DNM3: variants seen among roughly 807,000 people sequenced by gnomAD.
DNM3 encodes dynamin-3.
A neutral mutation model predicts 101.6 loss-of-function variants in DNM3; 47 were observed. The ratio of observed to expected loss-of-function variants is 0.46; its 90% CI spans 0.37 to 0.59. The LOEUF (loss-of-function observed/expected upper bound fraction) is 0.59. DNM3 is among the 20% of genes least tolerant of loss of function. The probability of loss-of-function intolerance (pLI) is 0.00; values close to 1 mark genes in which losing one functional copy is unlikely to be tolerated. For synonymous variants in DNM3, 385 were observed against 387.9 expected (o/e 0.99, Z 0.09); for missense variants, 849 against 1,085.7 (o/e 0.78, Z 3.06).
At chr1:172,217,564 A>C (rs1312630404) in intron 14 of DNM3, among the ~76,000 whole-genome samples, 1 of 152,088 alleles carries the variant, frequency 6.6e-6, no homozygotes, top group East Asian at 1.9e-4. Context: ...TCTTGTGCCC[A>C]CTGCCTCTTA....
Position 172,092,443 on chromosome 1 carries a change from G to A in DNM3, c.1494-381G>A, listed in dbSNP as rs1371800350. ...TAACTGCTTCATGGGGTTGCTGTGA[G>A]AATAAAAATGATTAATATCGATAAA... On this transcript the variant is annotated intron_variant, in intron 12 of 20. Transcript: ENST00000627582. Among the ~76,000 whole-genome samples the A allele has an allele frequency of 2.0e-5, 3 of 152,114 alleles. No individual in the cohort carries two copies. The East Asian group carries it at 5.8e-4, about 29-fold the overall frequency.
At chr1:172,032,240 T>C (rs1406391253) in intron 4 of DNM3, among the ~76,000 whole-genome samples, 162 bp from the exon 5 acceptor site, 2 of 152,164 alleles carry the variant, frequency 1.3e-5, no homozygotes, top group African/African-American at 4.8e-5. Flanking sequence ...CTCATCACAC[T>C]GAAATCACCA....
At chr1:172,142,590 A>G (rs2057642695) in intron 14 of DNM3, among the ~76,000 whole-genome samples, 1 of 152,104 alleles carries the variant, frequency 6.6e-6, no homozygotes, top group Admixed American at 6.6e-5. Context: ...TCTCCAGACT[A>G]AAAGTCATCC....
intron 16 of DNM3, among the ~76,000 whole-genome samples, chr1:172,320,141 GA>G (rs1481273893): frequency 1.1e-4 from 16 of 147,948 alleles, no homozygotes; most frequent in South Asian, 8.6e-4. Flanking sequence ...GACAAAAACC[GA>G]AACACCACAT....
At chr1:171,886,473 G>C (rs990444644) in intron 1 of DNM3, among the ~76,000 whole-genome samples, 1 of 152,096 alleles carries the variant, frequency 6.6e-6, no homozygotes, top group Admixed American at 6.6e-5. Flanking sequence ...AGGGGATACT[G>C]GTATCACTGT....
intron 17 of DNM3, among the ~76,000 whole-genome samples, chr1:172,335,110 C>A (rs2066359828): frequency 6.6e-6 from 1 of 152,026 alleles, no homozygotes; most frequent in African/African-American, 2.4e-5. Context: ...TAACTTGACT[C>A]ATGGATTGTC....
intron 14 of DNM3, among the ~76,000 whole-genome samples, chr1:172,209,215 G>A (rs975106518): frequency 2.6e-5 from 4 of 151,918 alleles, no homozygotes; most frequent in African/African-American, 9.7e-5. Flanking sequence ...CCACACAGAG[G>A]AAAAACCCTG....
chr1:172,287,324 C>T (rs568565661), intron 15 of DNM3, among the ~76,000 whole-genome samples: 2 of 152,110 alleles, frequency 1.3e-5, no homozygotes, highest in African/African-American at 4.8e-5. Context: ...TTCTTTATGA[C>T]CTTTTTCACC....
intron 20 of DNM3, among the ~76,000 whole-genome samples, chr1:172,390,906 G>T (rs1234914840): frequency 6.6e-6 from 1 of 152,200 alleles, no homozygotes; most frequent in Non-Finnish European, 1.5e-5. Context: ...TGCATGTTCT[G>T]CCTGCTTGCT....
At chr1:172,386,476 A>G (rs764589794) in intron 18 of DNM3, among the ~76,000 whole-genome samples, 5 of 152,202 alleles carry the variant, frequency 3.3e-5, no homozygotes, top group Non-Finnish European at 7.3e-5. Context: ...CTAACTATGC[A>G]ACCTCATGTC....
intron 15 of DNM3, among the ~76,000 whole-genome samples, chr1:172,270,433 T>C (rs2063041260): frequency 6.6e-6 from 1 of 152,170 alleles, no homozygotes. Context: ...TCTAATATAT[T>C]TTCAGTTTTC....
At chr1:171,864,637 G>A (rs993811968) in intron 1 of DNM3, 2 of 152,202 alleles carry the variant, frequency 1.3e-5, no homozygotes, top group African/African-American at 4.8e-5. Flanking sequence ...AGAGATCATA[G>A]TTTATAAATA....
intron 14 of DNM3, among the ~76,000 whole-genome samples, chr1:172,229,166 A>G (rs539778787): frequency 1.3e-5 from 2 of 152,212 alleles, no homozygotes; most frequent in East Asian, 3.9e-4. Flanking sequence ...GAGTATTTGA[A>G]CTCACTGGGC....
intron 2 of DNM3, among the ~76,000 whole-genome samples, chr1:171,973,015 T>A (rs1231415553): frequency 6.6e-6 from 1 of 152,146 alleles, no homozygotes; most frequent in Non-Finnish European, 1.5e-5. Context: ...TTCCGTGGCT[T>A]TTCTCAGATG....
chr1:172,086,132 C>G (rs932273756), intron 12 of DNM3, among the ~76,000 whole-genome samples: 1 of 152,148 alleles, frequency 6.6e-6, no homozygotes, highest in East Asian at 1.9e-4. Context: ...CTTTCATCCT[C>G]AAATATGTTA....
At chr1:172,098,774 G>T (rs1322240533) in intron 13 of DNM3, among the ~76,000 whole-genome samples, 4 of 152,204 alleles carry the variant, frequency 2.6e-5, no homozygotes, top group Non-Finnish European at 5.9e-5. Flanking sequence ...GCTTCAGCTG[G>T]TCCCTCCGTT....
intron 16 of DNM3, among the ~76,000 whole-genome samples, chr1:172,314,282 C>G (rs912676217): frequency 2.0e-5 from 3 of 152,166 alleles, no homozygotes; most frequent in African/African-American, 7.2e-5. Flanking sequence ...AGGAACAGCT[C>G]CGGTCTACAG....
chr1:172,227,381 A>G (rs1283693417), intron 14 of DNM3, among the ~76,000 whole-genome samples: 1 of 148,548 alleles, frequency 6.7e-6, no homozygotes, highest in Non-Finnish European at 1.5e-5. Context: ...GAATTATGCT[A>G]TGATAAACAT....
intron 17 of DNM3, among the ~76,000 whole-genome samples, chr1:172,359,663 G>T (rs1350083393): frequency 6.6e-6 from 1 of 151,266 alleles, no homozygotes; most frequent in Non-Finnish European, 1.5e-5. Flanking sequence ...CTTGGCAGAA[G>T]GTCAAAACCA....
Sources: allele counts gnomAD v4.1 joint callset (sites outside exome capture counted in the v4.1 genomes callset), GRCh38; gene constraint gnomAD v4.1.1; transcripts MANE v1.5; gene names NCBI Gene and HGNC (gene_info 2026-07-23, HGNC 2026-07-21).